PARK7: variants seen among roughly 807,000 people sequenced by gnomAD.
PARK7 encodes the protein Parkinson disease protein 7.
Under a neutral mutation model 20.5 loss-of-function variants are expected in PARK7, and 14 were observed. The ratio of observed to expected loss-of-function variants is 0.68; its 90% CI spans 0.45 to 1.07. The LOEUF (loss-of-function observed/expected upper bound fraction) is 1.07, where lower values mean the gene tolerates loss of function less well. Among genes scored for constraint, PARK7 ranks in the 50% least tolerant of loss-of-function variants. PARK7 has a pLI of 0.00. For synonymous variants in PARK7, 98 were observed against 84.3 expected (o/e 1.16, Z -0.89); for missense variants, 234 against 238.1 (o/e 0.98, Z 0.11).
At chr1:7,970,454 G>T (rs1640441725) in intron 4 of PARK7, among the ~76,000 whole-genome samples, 1 of 152,120 alleles carries the variant, frequency 6.6e-6, no homozygotes. Flanking sequence ...CGTATGTGAG[G>T]AGTCAGAGGC....
At chr1:7,972,676 G>A (rs1233000456) in intron 5 of PARK7, among the ~76,000 whole-genome samples, 1 of 152,190 alleles carries the variant, frequency 6.6e-6, no homozygotes, top group Non-Finnish European at 1.5e-5. Context: ...AGCTGAGGTG[G>A]GCAGATCGTT....
At chr1:7,962,982 C>T (rs1640241558) in intron 2 of PARK7, 107 bp downstream of exon 2, 1 of 921,654 alleles carries the variant, frequency 1.1e-6, no homozygotes, top group South Asian at 1.4e-5. Context: ...TTCAAATATA[C>T]ACAAAATTTC....
intron 6 of PARK7, among the ~76,000 whole-genome samples, chr1:7,981,164 G>A (rs1354124091): frequency 6.6e-6 from 1 of 152,204 alleles, no homozygotes; most frequent in African/African-American, 2.4e-5. Context: ...GCATCGTGGG[G>A]TGGCCCTCAG....
chr1:7,962,746 T>TC lies in PARK7; in HGVS notation c.-23-17_-23-16insC. ...AATGAAAGTTTTTTGAAATCTTTTT[T>TC]TTTTTTTTTTTTTAAGGCTTGTAAA... On this transcript the variant is annotated splice_polypyrimidine_tract_variant and intron_variant, in intron 1 of 6. Transcript: ENST00000338639. 6.8e-7 allele frequency: 1 copy of TC among 1,473,134 alleles called. No individual in the cohort carries two copies. The highest frequency in any genetic ancestry group is 9.1e-7 in the Non-Finnish European group (1 of 1,093,122). The allele number at this position is 1,473,134 out of a possible 1,614,324, so 91.3% of individuals were successfully genotyped here. A position where few individuals can be genotyped will look rare whatever the true frequency, so the allele number is the denominator to read the frequency against.
chr1:7,976,539 C>G (rs1640587081), intron 5 of PARK7, among the ~76,000 whole-genome samples: 1 of 152,116 alleles, frequency 6.6e-6, no homozygotes, highest in South Asian at 2.1e-4. Flanking sequence ...ACTGACACTT[C>G]CATGTGGTTC....
At position 7,965,425 on chromosome 1, in the gene PARK7, G is replaced by A; in HGVS notation, c.192G>A (p.Glu64=). 1 of 1,613,646 alleles carries A rather than the reference G, an allele frequency of 6.2e-7. No homozygotes were observed. The highest frequency in any genetic ancestry group is 1.3e-5 in the African/African-American group (1 of 75,044). ...PDASLEDAKK[E]GPYDVVVLPG... Reference sequence around the variant, plus strand: ...CCAGCCTTGAAGATGCAAAAAAAGAGGTTTGTAATCCATACATGGAGTTAT... The same window carrying A: ...CCAGCCTTGAAGATGCAAAAAAAGAAGTTTGTAATCCATACATGGAGTTAT... The change falls in exon 3 of 7, where the codon GAG becomes GAA. Residue 64 remains glutamate (E), a splice_region_variant and synonymous_variant. Transcript: ENST00000338639.
intron 2 of PARK7, among the ~76,000 whole-genome samples, chr1:7,963,993 T>C (rs377291049): frequency 2.0e-5 from 3 of 152,034 alleles, no homozygotes; most frequent in East Asian, 3.9e-4. Context: ...TTTTTTGTAT[T>C]TTTAGTAGAT....
chr1:7,975,061 A>G (rs1018526318), intron 5 of PARK7, among the ~76,000 whole-genome samples: 3 of 151,906 alleles, frequency 2.0e-5, no homozygotes, highest in African/African-American at 4.8e-5. Flanking sequence ...TCACCATGTT[A>G]GCCAGGCTGG....
rs187362836 is a variant in PARK7 at position 7,978,760 on chromosome 1, C to A, written c.409+1022C>A. On this transcript the variant is annotated intron_variant, in intron 6 of 6. Transcript: ENST00000338639. The stretch of plus-strand genomic sequence containing the variant: ...GCTCAGGAGGCTGAGGTGGGATGAT[C>A]GCTTTAAGCCTGGGAGGTCAAAGCT... Among the ~76,000 whole-genome samples the A allele has an allele frequency of 2.0e-5, 3 of 151,118 alleles. No homozygotes were observed. In the East Asian group the frequency reaches 5.9e-4, roughly 30 times the overall value.
intron 6 of PARK7, among the ~76,000 whole-genome samples, chr1:7,979,941 C>T (rs1020152804): frequency 6.6e-6 from 1 of 152,036 alleles, no homozygotes; most frequent in African/African-American, 2.4e-5. Flanking sequence ...AGGTAGATCA[C>T]GAGGTCAGGA....
intron 5 of PARK7, among the ~76,000 whole-genome samples, chr1:7,975,442 G>T (rs1426169044): frequency 6.6e-6 from 1 of 152,172 alleles, no homozygotes; most frequent in Non-Finnish European, 1.5e-5. Flanking sequence ...CATTTTGCAT[G>T]TTACCACAGG....
chr1:7,980,589 C>T (rs77604501), intron 6 of PARK7, among the ~76,000 whole-genome samples: 2,947 of 152,332 alleles, frequency 0.019, 45 homozygotes, highest in Middle Eastern at 0.027. Flanking sequence ...CTCTGCCTTG[C>T]ATCCAGTTTT....
In PARK7 at chr1:7,975,493, C is replaced by T. The variant is rs6678868; in HGVS notation, c.323-2159C>T. Among the ~76,000 whole-genome samples the T allele has an allele frequency of 5.3e-3, 811 of 152,298 alleles. 4 individuals carry two copies. The highest frequency in any genetic ancestry group is 0.019 in the African/African-American group (779 of 41,560). ...GCAGAAGGGGACATGGTCAGCTGCG[C>T]CCTCTGCACTGTAGTGCAGAGTACA... On this transcript the variant is annotated intron_variant, in intron 5 of 6. Transcript: ENST00000338639.
chr1:7,963,982 A>AT (rs1186842893), intron 2 of PARK7, among the ~76,000 whole-genome samples: 4 of 151,316 alleles, frequency 2.6e-5, no homozygotes. Context: ...TGCCTGGCTA[A>AT]TTTTTTGTAT....
intron 5 of PARK7, among the ~76,000 whole-genome samples, chr1:7,975,548 C>G (rs1016650193): frequency 6.6e-6 from 1 of 152,218 alleles, no homozygotes; most frequent in South Asian, 2.1e-4. Context: ...AATCCCAGGT[C>G]CTGGGAGAGT....
chr1:7,984,550 T>C lies in PARK7; in HGVS notation c.410-344T>C, dbSNP rs1322541658. The stretch of plus-strand genomic sequence containing the variant: ...CAGCGCTGCCGCATCCCTTCACCCT[T>C]CCCCGGCACTTCAGAATTGACACTT... On this transcript the variant is annotated intron_variant, in intron 6 of 6. Coordinates refer to ENST00000338639, the MANE Select transcript of PARK7 (RefSeq NM_007262.5). The surrounding 1 kb of genome is among the most constrained non-coding windows in gnomAD (Gnocchi z 4.3). 1.3e-5 allele frequency among the ~76,000 whole-genome samples: 2 copies of C among 152,172 alleles called. No homozygotes were observed. Among genetic ancestry groups the C allele is most frequent in the Non-Finnish European group, 2.9e-5 (2 of 68,028 alleles).
intron 5 of PARK7, among the ~76,000 whole-genome samples, chr1:7,974,016 A>G (rs1215403498): frequency 6.6e-6 from 1 of 151,842 alleles, no homozygotes; most frequent in Non-Finnish European, 1.5e-5. Context: ...AATCAACATT[A>G]AAAAATAAAC....
In PARK7 at chr1:7,963,386, CT is replaced by C. The variant is rs34942518; in HGVS notation, c.90+526del. Reference sequence around the variant, plus strand: ...TCCTTAGACCCATTTCTTTTTTCTTCTTTTTTTTTTTTTTTGAGATGGTGTC... The same window carrying C: ...TCCTTAGACCCATTTCTTTTTTCTTCTTTTTTTTTTTTTTGAGATGGTGTC... On this transcript the variant is annotated intron_variant, in intron 2 of 6. Coordinates refer to ENST00000338639, the MANE Select transcript of PARK7 (RefSeq NM_007262.5). Among the ~76,000 whole-genome samples the C allele has an allele frequency of 4.0e-3, 562 of 140,850 alleles. 1 individual carries two copies. Among genetic ancestry groups the C allele is most frequent in the Middle Eastern group, 0.011 (3 of 278 alleles). 92.4% of individuals were successfully genotyped at this position (140,850 alleles called of 152,430 possible). A position where few individuals can be genotyped will look rare whatever the true frequency, so the allele number is the denominator to read the frequency against.
At chr1:7,975,160 A>T (rs746690192) in intron 5 of PARK7, among the ~76,000 whole-genome samples, 14 of 152,144 alleles carry the variant, frequency 9.2e-5, no homozygotes, top group South Asian at 2.1e-4. Context: ...AGCCAAGATT[A>T]TTCTGAAGTG....
Sources: allele counts gnomAD v4.1 joint callset (sites outside exome capture counted in the v4.1 genomes callset), GRCh38; gene constraint gnomAD v4.1.1; non-coding constraint Gnocchi (gnomAD v3.1); transcripts MANE v1.5; gene names NCBI Gene and HGNC (gene_info 2026-07-23, HGNC 2026-07-21).